Variants in SPATA17 observed in about 807,000 individuals in gnomAD.
SPATA17 encodes spermatogenesis-associated protein 17.
Under a neutral mutation model 62.2 loss-of-function variants are expected in SPATA17, and 53 were observed. The observed-to-expected ratio is 0.85, with a 90% CI of 0.68 to 1.07. SPATA17 has a LOEUF of 1.07. SPATA17 is among the 50% of genes least tolerant of loss of function. SPATA17 has a pLI of 0.00. For synonymous variants in SPATA17, 146 were observed against 146.8 expected, an observed-to-expected ratio of 0.99 and a Z score of 0.04; for missense variants, 466 against 425.5, an observed-to-expected ratio of 1.10 and a Z score of -0.84.
chr1:217,798,079 A>T (rs991451732), intron 8 of SPATA17, among the ~76,000 whole-genome samples: 5 of 152,192 alleles, frequency 3.3e-5, no homozygotes, highest in Admixed American at 3.3e-4. Context: ...AATGTGCTAA[A>T]ATTTTGCTAT....
At chr1:217,737,539 T>G (rs922492012) in intron 5 of SPATA17, among the ~76,000 whole-genome samples, 10 of 152,106 alleles carry the variant, frequency 6.6e-5, no homozygotes, top group Non-Finnish European at 1.2e-4. Context: ...GCCCTTTATA[T>G]TGGTCCCAAA....
At chr1:217,851,247 G>A (rs1055210346) in intron 9 of SPATA17, among the ~76,000 whole-genome samples, 1 of 151,978 alleles carries the variant, frequency 6.6e-6, no homozygotes, top group African/African-American at 2.4e-5. Context: ...TTCAATGACA[G>A]TTATTGATAT....
chr1:217,849,455 A>C (rs988592686), intron 9 of SPATA17, among the ~76,000 whole-genome samples: 7 of 152,174 alleles, frequency 4.6e-5, no homozygotes, highest in African/African-American at 1.7e-4. Context: ...TTTCCTAAAA[A>C]AACAAACTTA....
At chr1:217,743,349 C>A (rs1169589354) in intron 6 of SPATA17, among the ~76,000 whole-genome samples, 2 of 152,078 alleles carry the variant, frequency 1.3e-5, no homozygotes, top group Admixed American at 1.3e-4. Flanking sequence ...TATAGAATTT[C>A]AAATCAAAAA....
At chr1:217,794,500 C>T (rs184236618) in intron 8 of SPATA17, among the ~76,000 whole-genome samples, 4 of 152,278 alleles carry the variant, frequency 2.6e-5, no homozygotes, top group East Asian at 1.9e-4. Context: ...AAACTAGTAG[C>T]TTGTGAGCTG....
At position 217,763,675 on chromosome 1, in the gene SPATA17, G is replaced by C. The variant is rs115271169; in HGVS notation, c.520-10659G>C. 2.0e-3 allele frequency among the ~76,000 whole-genome samples: 308 copies of C among 152,326 alleles called. 1 individual carries two copies. The highest frequency in any genetic ancestry group is 3.6e-3 in the Non-Finnish European group (248 of 68,030). On this transcript the variant is annotated intron_variant, in intron 6 of 10. Transcript: ENST00000366933. ...TAAGCACAGCAGATGGAGAGAACCT[G>C]TAAGTGTGAAGCACTTCGGTAAAGA...
rs117508206 is a variant in SPATA17 at position 217,742,036 on chromosome 1, A to G, written c.457A>G (p.Arg153Gly). The change falls in exon 6 of 11, where the codon AGG becomes GGG. Residue 153 changes from arginine (R) to glycine (G), a missense_variant. By Grantham distance (125) the Arg-to-Gly change is moderately radical (BLOSUM62 -2). Coordinates refer to ENST00000366933, the MANE Select transcript of SPATA17 (RefSeq NM_138796.4). ...EREEKKANLE[R>G]EEKKRDYQAR... ...AGAAGAGAAGAAGGCTAACCTCGAA[A>G]GGGAAGAGAAGAAAAGAGATTACCA... 1 of 1,614,160 alleles carries G rather than the reference A, an allele frequency of 6.2e-7. No individual in the cohort carries two copies. The highest frequency in any genetic ancestry group is 2.2e-5 in the East Asian group (1 of 44,880).
chr1:217,777,762 G>A (rs534011236), intron 7 of SPATA17, among the ~76,000 whole-genome samples: 76 of 152,122 alleles, frequency 5.0e-4, no homozygotes, highest in Non-Finnish European at 8.7e-4. Flanking sequence ...CTGATCATTC[G>A]TTCCTTTACT....
At chr1:217,737,878 T>G (rs1672546603) in intron 5 of SPATA17, 1 of 150,258 alleles carries the variant, frequency 6.7e-6, no homozygotes, top group South Asian at 2.1e-4. Flanking sequence ...CAGCCTGGAG[T>G]GCAGTGGTGC....
chr1:217,838,850 T>C (rs962686326), intron 9 of SPATA17, among the ~76,000 whole-genome samples: 4 of 152,066 alleles, frequency 2.6e-5, no homozygotes, highest in Non-Finnish European at 5.9e-5. Context: ...TCTTAGAAGG[T>C]TTATAAACAT....
intron 6 of SPATA17, among the ~76,000 whole-genome samples, chr1:217,743,251 A>G (rs1558588003): frequency 2.0e-5 from 3 of 152,100 alleles, no homozygotes; most frequent in African/African-American, 7.2e-5. Context: ...GATACTTTTA[A>G]AAATTAAAAG....
At chr1:217,737,083 G>A (rs945315105) in intron 5 of SPATA17, among the ~76,000 whole-genome samples, 1 of 152,158 alleles carries the variant, frequency 6.6e-6, no homozygotes, top group African/African-American at 2.4e-5. Context: ...GGCAACATGA[G>A]TATAGTATTG....
intron 9 of SPATA17, among the ~76,000 whole-genome samples, chr1:217,823,235 C>T (rs181217880): frequency 6.6e-6 from 1 of 151,950 alleles, no homozygotes; most frequent in East Asian, 1.9e-4. Context: ...GAATCAGGGT[C>T]CAAACCTACA....
intron 4 of SPATA17, 51 bp downstream of exon 4, chr1:217,669,134 A>G (rs1670778354): frequency 6.5e-7 from 1 of 1,527,500 alleles, no homozygotes; most frequent in African/African-American, 1.4e-5. Context: ...TGTGCCCTGA[A>G]TTCGCTTTTA....
chr1:217,850,339 G>A, intron 9 of SPATA17: 1 of 546,092 alleles, frequency 1.8e-6, no homozygotes, highest in Non-Finnish European at 3.1e-6. Context: ...CTTAAGTGGG[G>A]GCAGATGGCT....
At chr1:217,757,071 G>A (rs1438016445) in intron 6 of SPATA17, among the ~76,000 whole-genome samples, 1 of 152,128 alleles carries the variant, frequency 6.6e-6, no homozygotes, top group African/African-American at 2.4e-5. Flanking sequence ...GGTATATTCA[G>A]TACCATCTGA....
chr1:217,754,425 T>G (rs2102958023), intron 6 of SPATA17, among the ~76,000 whole-genome samples: 1 of 152,318 alleles, frequency 6.6e-6, no homozygotes, highest in Admixed American at 6.5e-5. Flanking sequence ...TTTCTTTAAC[T>G]AAATCTAATG....
At chr1:217,815,584 A>C (rs894979789) in intron 9 of SPATA17, among the ~76,000 whole-genome samples, 3 of 152,186 alleles carry the variant, frequency 2.0e-5, no homozygotes, top group African/African-American at 7.2e-5. Flanking sequence ...TAATACCATT[A>C]TTTAATGGAA....
chr1:217,842,919 C>A (rs185446502), intron 9 of SPATA17, among the ~76,000 whole-genome samples: 1 of 151,854 alleles, frequency 6.6e-6, no homozygotes, highest in Non-Finnish European at 1.5e-5. Context: ...TTAGTGACAT[C>A]CACAAGTTTT....
Sources: gnomAD v4.1 joint callset for allele counts (sites outside exome capture counted in the v4.1 genomes callset) on GRCh38, gnomAD v4.1.1 for gene constraint, MANE v1.5 for transcripts, NCBI Gene and HGNC (gene_info 2026-07-23, HGNC 2026-07-21) for gene names.